The following SMCO4 variants were observed in gnomAD, a reference collection of about 807,000 sequenced individuals.
SMCO4 encodes single-pass membrane protein with coiled-coil domains 4.
SMCO4 carries 4 observed loss-of-function variants against 3.6 expected under a neutral mutation model. The observed-to-expected ratio is 1.11, with a 90% CI of 0.54 to 2.53. The LOEUF (loss-of-function observed/expected upper bound fraction) is 2.53, where lower values mean the gene tolerates loss of function less well. SMCO4 is among the 30% of genes most tolerant of loss of function. The pLI is 0.02. For synonymous variants in SMCO4, 36 were observed against 35.3 expected (o/e 1.02, Z -0.07); for missense variants, 70 against 80.8 (o/e 0.87, Z 0.51).
At chr11:93,532,608 TTGG>T (rs1390721841) in intron 1 of SMCO4, among the ~76,000 whole-genome samples, 1 of 152,196 alleles carries the variant, frequency 6.6e-6, no homozygotes, top group Non-Finnish European at 1.5e-5. Context: ...CTATGTCCTA[TTGG>T]TTCTGTCTCT....
chr11:93,546,225 A>G (rs1949315035), upstream of SMCO4, among the ~76,000 whole-genome samples: 1 of 152,218 alleles, frequency 6.6e-6, no homozygotes, highest in Admixed American at 6.5e-5. Flanking sequence ...ATTCAGTTGA[A>G]GTCACTAAAT....
chr11:93,531,464 G>C lies in SMCO4; in HGVS notation c.-154+11812C>G, dbSNP rs943319859. On this transcript the variant is annotated intron_variant, in intron 1 of 2. Transcript: ENST00000298966. Reference sequence around the variant, plus strand: ...TGGAACTTACACCATTGGCTCTCTGGGGTCTCAAACTTGCTGACTGCAGCT... The same window carrying C: ...TGGAACTTACACCATTGGCTCTCTGCGGTCTCAAACTTGCTGACTGCAGCT... Among the ~76,000 whole-genome samples the C allele has an allele frequency of 2.6e-5, 4 of 152,218 alleles. No homozygotes were observed. In the East Asian group the frequency reaches 7.7e-4, roughly 29 times the overall value.
intron 1 of SMCO4, among the ~76,000 whole-genome samples, chr11:93,509,577 T>A (rs1295475736): frequency 6.6e-6 from 1 of 152,166 alleles, no homozygotes; most frequent in African/African-American, 2.4e-5. Context: ...CAAATGCCCA[T>A]CAATCAACGA....
At chr11:93,552,180 A>G in the SMCO4 span, among the ~76,000 whole-genome samples, 1 of 135,450 alleles carries the variant, frequency 7.4e-6, no homozygotes, top group Non-Finnish European at 1.6e-5. Context: ...TTTTTGAGAC[A>G]CAGTTTCACT....
chr11:93,535,659 AAAG>A lies in SMCO4; in HGVS notation c.-154+7614_-154+7616del, dbSNP rs756181526. On this transcript the variant is annotated intron_variant, in intron 1 of 2. Coordinates refer to ENST00000298966, the MANE Select transcript of SMCO4 (RefSeq NM_020179.3). ...GTCTGTTAAGAGCTACCGATGGGAA[AAAG>A]AAGATCAGCACAGTGGTGAGCTCCG... 1.3e-4 allele frequency: 211 copies of A among 1,608,134 alleles called. 1 individual carries two copies. The Admixed American group carries it at 2.4e-3, about 18-fold the overall frequency.
At chr11:93,520,729 A>C (rs1949049667) in intron 1 of SMCO4, among the ~76,000 whole-genome samples, 1 of 152,250 alleles carries the variant, frequency 6.6e-6, no homozygotes, top group Non-Finnish European at 1.5e-5. Context: ...AGGAGAAAGA[A>C]GGCTCAAAAC....
chr11:93,529,531 C>T (rs921552040), intron 1 of SMCO4, among the ~76,000 whole-genome samples: 5 of 152,142 alleles, frequency 3.3e-5, no homozygotes, highest in African/African-American at 1.2e-4. Context: ...TAAGTGGAGG[C>T]AGGAGAGTCT....
At chr11:93,507,961 T>C (rs1198970688) in intron 1 of SMCO4, among the ~76,000 whole-genome samples, 1 of 152,238 alleles carries the variant, frequency 6.6e-6, no homozygotes, top group Non-Finnish European at 1.5e-5. Context: ...ATGTTTGTGC[T>C]TTGGAAATAT....
chr11:93,538,825 C>A (rs1949249659), intron 1 of SMCO4, among the ~76,000 whole-genome samples: 1 of 152,186 alleles, frequency 6.6e-6, no homozygotes, highest in South Asian at 2.1e-4. Flanking sequence ...AGGCCCTCAT[C>A]TCTCAAGACA....
At chr11:93,510,245 C>G (rs1948945230) in intron 1 of SMCO4, among the ~76,000 whole-genome samples, 1 of 152,206 alleles carries the variant, frequency 6.6e-6, no homozygotes. Flanking sequence ...GTGGGACCTA[C>G]AGTTGTCACT....
chr11:93,543,146 G>A (rs1479149364), intron 1 of SMCO4, 130 bp downstream of exon 1: 4 of 149,704 alleles, frequency 2.7e-5, no homozygotes, highest in African/African-American at 9.7e-5. Context: ...CGCGGAGGCG[G>A]AGCCGGCGTG....
In SMCO4 at chr11:93,513,280, C is replaced by T. The variant is rs140710723; in HGVS notation, c.-153-13932G>A. On this transcript the variant is annotated intron_variant, in intron 1 of 2. Transcript: ENST00000298966. ...TAAATAAGTCAATATATGTGAAGAC[C>T]TTAGCAATGTTAGCCTTTTTTTGTA... Among the ~76,000 whole-genome samples, 442 of 152,216 alleles carry T rather than the reference C, an allele frequency of 2.9e-3. 1 individual carries two copies. Among genetic ancestry groups the T allele is most frequent in the African/African-American group, 0.01 (425 of 41,558 alleles).
chr11:93,482,363 T>G (rs112493536), intron 2 of SMCO4, among the ~76,000 whole-genome samples: 2 of 152,324 alleles, frequency 1.3e-5, no homozygotes, highest in African/African-American at 4.8e-5. Context: ...GTGCTCTGCA[T>G]GTGAGGATGC....
rs1555076388 is a variant in SMCO4, at chr11:93,505,856, A to AATGATGATGATAATG, written c.-153-6509_-153-6508insCATTATCATCATCAT. ...AAAGAAAAATGTATTAAGCCCTTGC[A>AATGATGATGATAATG]ATGATGATGATGATGATGATGATGA... On this transcript the variant is annotated intron_variant, in intron 1 of 2. Transcript: ENST00000298966. Among the ~76,000 whole-genome samples, 3 of 149,762 alleles carry AATGATGATGATAATG rather than the reference A, an allele frequency of 2.0e-5. No homozygotes were observed. The East Asian group carries it at 6.0e-4, about 30-fold the overall frequency.
intron 1 of SMCO4, among the ~76,000 whole-genome samples, chr11:93,504,965 A>T (rs917692739): frequency 2.0e-5 from 3 of 152,220 alleles, no homozygotes; most frequent in African/African-American, 4.8e-5. Context: ...TTTGTCTTTC[A>T]GTCCAGGTTT....
chr11:93,483,869 CT>C (rs1192165263), intron 2 of SMCO4, among the ~76,000 whole-genome samples: 1 of 152,174 alleles, frequency 6.6e-6, no homozygotes, highest in Non-Finnish European at 1.5e-5. Flanking sequence ...CCCCACTTAT[CT>C]TCCCGCCCTT....
intron 1 of SMCO4, among the ~76,000 whole-genome samples, chr11:93,517,846 A>G (rs1463172257): frequency 1.3e-5 from 2 of 152,196 alleles, no homozygotes; most frequent in Non-Finnish European, 2.9e-5. Context: ...TCCTACCCGC[A>G]TTGAAGTACC....
At chr11:93,533,328 A>T (rs995567420) in intron 1 of SMCO4, among the ~76,000 whole-genome samples, 4 of 152,200 alleles carry the variant, frequency 2.6e-5, no homozygotes, top group Non-Finnish European at 5.9e-5. Context: ...GAACATGCAT[A>T]TCTCAACCTC....
intron 1 of SMCO4, among the ~76,000 whole-genome samples, chr11:93,531,632 G>C (rs2605630): frequency 0.34 from 51,895 of 152,054 alleles, 8,993 homozygotes; most frequent in South Asian, 0.37. Flanking sequence ...GTAATGTGCA[G>C]ACAGGTAACA....
Sources: gnomAD v4.1 joint callset for allele counts (sites outside exome capture counted in the v4.1 genomes callset) on GRCh38, gnomAD v4.1.1 for gene constraint, MANE v1.5 for transcripts, NCBI Gene and HGNC (gene_info 2026-07-23, HGNC 2026-07-21) for gene names.